Variants in KIRREL3 observed in about 807,000 individuals in gnomAD.
KIRREL3 encodes the protein kin of IRRE-like protein 3.
KIRREL3 carries 36 observed loss-of-function variants against 89.7 expected under a neutral mutation model. The ratio of observed to expected loss-of-function variants is 0.40; its 90% CI spans 0.31 to 0.53. The LOEUF is 0.53. Ranked by LOEUF, KIRREL3 falls within the 20% of genes least tolerant of loss-of-function variation. The pLI is 0.49. For synonymous variants in KIRREL3, 445 were observed against 441.4 expected (o/e 1.01, Z -0.10); for missense variants, 864 against 1,056.6 (o/e 0.82, Z 2.53).
At position 126,562,246 on chromosome 11, in the gene KIRREL3, A is replaced by T. The variant is rs547480244; in HGVS notation, c.133+589T>A. 6.6e-6 allele frequency among the ~76,000 whole-genome samples: 1 copy of T among 152,248 alleles called. No homozygotes were observed. The highest frequency in any genetic ancestry group is 1.9e-4 in the East Asian group (1 of 5,164). On this transcript the variant is annotated intron_variant, in intron 2 of 16. Coordinates refer to ENST00000525144, the MANE Select transcript of KIRREL3 (RefSeq NM_032531.4). This position sits in a 1 kb window ranked among gnomAD's most constrained non-coding sequence, Gnocchi z 4.7. ...CCTCCCAGCCTCTATGCCAATGTCA[A>T]CACGTTTCTCAAGCCTTCAGTGACC...
At chr11:126,659,896 C>T (rs912638249) in intron 1 of KIRREL3, among the ~76,000 whole-genome samples, 21 of 152,040 alleles carry the variant, frequency 1.4e-4, no homozygotes, top group African/African-American at 3.6e-4. Context: ...AAAGGCAACT[C>T]GAAAACTTGC....
At chr11:126,809,333 A>G (rs1315277823) in intron 1 of KIRREL3, among the ~76,000 whole-genome samples, 1 of 152,206 alleles carries the variant, frequency 6.6e-6, no homozygotes, top group East Asian at 1.9e-4. Context: ...AGGGACCCCA[A>G]TTCAATCCAA....
chr11:126,854,099 G>C (rs1402073602), intron 1 of KIRREL3, among the ~76,000 whole-genome samples: 2 of 148,112 alleles, frequency 1.4e-5, no homozygotes, highest in Non-Finnish European at 3.0e-5. Context: ...TTAACATATG[G>C]CCTAAACTCT....
intron 4 of KIRREL3, among the ~76,000 whole-genome samples, chr11:126,518,477 C>T (rs547770843): frequency 1.4e-3 from 217 of 152,350 alleles, no homozygotes; most frequent in South Asian, 3.3e-3. Flanking sequence ...TCTGCTTTCG[C>T]GTCTTCCGCA....
Position 126,606,741 on chromosome 11 carries a change from A to G in KIRREL3, c.56-43829T>C, listed in dbSNP as rs1246606014. Among the ~76,000 whole-genome samples the G allele has an allele frequency of 6.6e-6, 1 of 152,162 alleles. No homozygotes were observed. The highest frequency in any genetic ancestry group is 1.5e-5 in the Non-Finnish European group (1 of 68,016). ...GGATCATGCTTAACATTCTTGGGAC[A>G]TTCTCCTTGAACTCTGCAGGGGCCT... On this transcript the variant is annotated intron_variant, in intron 1 of 16. Transcript: ENST00000525144. This position sits in a 1 kb window ranked among gnomAD's most constrained non-coding sequence, Gnocchi z 4.6.
Position 126,610,346 on chromosome 11 carries a change from C to T in KIRREL3, c.56-47434G>A, listed in dbSNP as rs1943075146. Among the ~76,000 whole-genome samples the T allele has an allele frequency of 6.6e-6, 1 of 152,202 alleles. No homozygotes were observed. Among genetic ancestry groups the T allele is most frequent in the African/African-American group, 2.4e-5 (1 of 41,430 alleles). ...GTCTCAAACAATCTGTCTGCCTTGG[C>T]CTCCCAAATTGCTGGGATTACAGGC... is the stretch of plus-strand genomic sequence containing the variant. On this transcript the variant is annotated intron_variant, in intron 1 of 16. Transcript: ENST00000525144. The surrounding 1 kb of genome is among the most constrained non-coding windows in gnomAD (Gnocchi z 4.6).
intron 6 of KIRREL3, among the ~76,000 whole-genome samples, chr11:126,457,225 GTA>G (rs1956382293): frequency 1.3e-5 from 2 of 149,120 alleles, no homozygotes; most frequent in Admixed American, 6.6e-5. Context: ...GTATGTGTGT[GTA>G]TGCATGTGTA....
chr11:126,996,891 G>A lies in KIRREL3; in HGVS notation c.55+3564C>T, dbSNP rs1190159948. Among the ~76,000 whole-genome samples, 3 of 152,206 alleles carry A rather than the reference G, an allele frequency of 2.0e-5. No homozygotes were observed. Among genetic ancestry groups the A allele is most frequent in the Non-Finnish European group, 4.4e-5 (3 of 68,038 alleles). On this transcript the variant is annotated intron_variant, in intron 1 of 16. Coordinates refer to ENST00000525144, the MANE Select transcript of KIRREL3 (RefSeq NM_032531.4). The surrounding 1 kb of genome is among the most constrained non-coding windows in gnomAD (Gnocchi z 4.7). ...AACCTTCACAACCACAGAATCACAAGGCAGGACAGGACGCTCTAGGAATGC... is the reference window on the plus strand; with the variant it reads ...AACCTTCACAACCACAGAATCACAAAGCAGGACAGGACGCTCTAGGAATGC...
chr11:126,859,365 G>A (rs1201158924), intron 1 of KIRREL3, among the ~76,000 whole-genome samples: 2 of 152,224 alleles, frequency 1.3e-5, no homozygotes, highest in African/African-American at 4.8e-5. Context: ...AGGTCACTGA[G>A]CAACATTTAG....
At chr11:126,693,446 A>C (rs770928033) in intron 1 of KIRREL3, among the ~76,000 whole-genome samples, 10 of 152,044 alleles carry the variant, frequency 6.6e-5, no homozygotes, top group Admixed American at 4.6e-4. Context: ...AACAAACAAA[A>C]AAACAACAAA....
At chr11:126,585,268 C>T (rs1377734014) in intron 1 of KIRREL3, among the ~76,000 whole-genome samples, 1 of 129,492 alleles carries the variant, frequency 7.7e-6, no homozygotes, top group Admixed American at 8.1e-5. Context: ...CTCTGTTAGC[C>T]AGGCTGGGGT....
chr11:126,518,146 C>T (rs1958475076), intron 4 of KIRREL3, among the ~76,000 whole-genome samples: 1 of 152,212 alleles, frequency 6.6e-6, no homozygotes, highest in Non-Finnish European at 1.5e-5. Flanking sequence ...GGTACAAATG[C>T]TCAGCTCCGA....
chr11:126,960,433 C>T (rs1336320590), intron 1 of KIRREL3, among the ~76,000 whole-genome samples: 2 of 152,106 alleles, frequency 1.3e-5, no homozygotes, highest in African/African-American at 2.4e-5. Context: ...TAAAGTTCTC[C>T]CAGTGCTCAC....
intron 1 of KIRREL3, among the ~76,000 whole-genome samples, chr11:126,738,948 A>AT (rs750823128): frequency 2.0e-5 from 3 of 152,196 alleles, no homozygotes; most frequent in Non-Finnish European, 4.4e-5. Context: ...TCAAACTATG[A>AT]TTTTTTTGAC....
chr11:126,472,820 CA>C (rs1316991835), intron 5 of KIRREL3, among the ~76,000 whole-genome samples: 1 of 149,896 alleles, frequency 6.7e-6, no homozygotes, highest in East Asian at 2.0e-4. Flanking sequence ...AGTGAGAGAG[CA>C]AAAAAAGATA....
rs1170382106 is a variant in KIRREL3, at chr11:126,530,350, G to T, written c.134-3663C>A. On this transcript the variant is annotated intron_variant, in intron 2 of 16. Transcript: ENST00000525144. The surrounding 1 kb of genome is among the most constrained non-coding windows in gnomAD (Gnocchi z 5.8). ...TCCTCCCACCTCAGCCTCCTGAAGT[G>T]CTGGGATTACAGGCATGAGCCACCA... Among the ~76,000 whole-genome samples the T allele has an allele frequency of 6.6e-6, 1 of 152,182 alleles. No homozygotes were observed. The highest frequency in any genetic ancestry group is 1.5e-5 in the Non-Finnish European group (1 of 68,024).
intron 1 of KIRREL3, among the ~76,000 whole-genome samples, chr11:126,959,083 T>C (rs1289767512): frequency 6.6e-6 from 1 of 152,236 alleles, no homozygotes; most frequent in Admixed American, 6.5e-5. Flanking sequence ...ACTCTTCCTA[T>C]CTGATAGCCT....
At position 126,610,599 on chromosome 11, in the gene KIRREL3, T is replaced by C. The variant is rs1943089742; in HGVS notation, c.56-47687A>G. 6.6e-6 allele frequency: 1 copy of C among 152,228 alleles called. No homozygotes were observed. The highest frequency in any genetic ancestry group is 2.1e-4 in the South Asian group (1 of 4,822). The allele number at this position is 152,228 out of a possible 1,614,324, so 9.4% of individuals were successfully genotyped here. A position where few individuals can be genotyped will look rare whatever the true frequency, so the allele number is the denominator to read the frequency against. On this transcript the variant is annotated intron_variant, in intron 1 of 16. Coordinates refer to ENST00000525144, the MANE Select transcript of KIRREL3 (RefSeq NM_032531.4). This position sits in a 1 kb window ranked among gnomAD's most constrained non-coding sequence, Gnocchi z 4.6. ...CAACAAATGCCAGGCACTGGGGCTATAATCACATGGGGAGAAGGAGCCAAC... is the reference window on the plus strand; with the variant it reads ...CAACAAATGCCAGGCACTGGGGCTACAATCACATGGGGAGAAGGAGCCAAC...
intron 1 of KIRREL3, among the ~76,000 whole-genome samples, chr11:126,899,911 T>C (rs1202843770): frequency 6.6e-6 from 1 of 152,240 alleles, no homozygotes; most frequent in Non-Finnish European, 1.5e-5. Context: ...GAAGAGCTCC[T>C]AGACACAGAA....
Sources: allele counts gnomAD v4.1 joint callset (sites outside exome capture counted in the v4.1 genomes callset), GRCh38; gene constraint gnomAD v4.1.1; non-coding constraint Gnocchi (gnomAD v3.1); transcripts MANE v1.5; gene names NCBI Gene and HGNC (gene_info 2026-07-23, HGNC 2026-07-21).